The following CCDC150 variants were observed in gnomAD, a reference collection of about 807,000 sequenced individuals.
The protein encoded by CCDC150 is coiled-coil domain containing 150.
A neutral mutation model predicts 156.5 loss-of-function variants in CCDC150; 151 were observed. The observed-to-expected ratio is 0.97, with a 90% confidence interval of 0.85 to 1.10. CCDC150 has a LOEUF of 1.10. CCDC150 is among the 50% of genes least tolerant of loss of function. The probability of loss-of-function intolerance (pLI) is 0.00; values close to 1 mark genes in which losing one functional copy is unlikely to be tolerated. For synonymous variants in CCDC150, 452 were observed against 429.4 expected (o/e 1.05, Z -0.65); for missense variants, 1,312 against 1,268.1 (o/e 1.03, Z -0.53).
chr2:196,720,261 A>G lies in CCDC150; in HGVS notation c.2166-314A>G, dbSNP rs13398730. 4.3e-3 allele frequency: 1,423 copies of G among 327,486 alleles called. 21 individuals carry two copies. The highest frequency in any genetic ancestry group is 0.029 in the African/African-American group (1,329 of 46,114). 20.3% of individuals were successfully genotyped at this position (327,486 alleles called of 1,614,324 possible). On this transcript the variant is annotated intron_variant, in intron 19 of 27. Transcript: ENST00000389175. ...TGAGTTTTCTTTTCTCTTTTTTTAC[A>G]TTACATATTGTTTATCTTTTTTACA... is the stretch of plus-strand genomic sequence containing the variant.
chr2:196,718,904 G>GATCTTGGTAATA (rs1474788273), intron 18 of CCDC150, among the ~76,000 whole-genome samples: 1 of 151,752 alleles, frequency 6.6e-6, no homozygotes, highest in Non-Finnish European at 1.5e-5. Flanking sequence ...AAACACATCT[G>GATCTTGGTAATA]ATCTTGGTAA....
chr2:196,660,876 A>G (rs1037508189), intron 5 of CCDC150, among the ~76,000 whole-genome samples: 10 of 152,308 alleles, frequency 6.6e-5, no homozygotes, highest in African/African-American at 1.9e-4. Context: ...GACAAACCCA[A>G]GTCACTAAGA....
intron 7 of CCDC150, 28 bp from the exon 8 acceptor site, chr2:196,669,802 TATC>T (rs1236626596): frequency 3.5e-6 from 5 of 1,444,242 alleles, no homozygotes; most frequent in Non-Finnish European, 3.9e-6. Flanking sequence ...AAGTTACTAT[TATC>T]ATAGTTATGT....
intron 23 of CCDC150, 164 bp from the exon 24 acceptor site, chr2:196,729,629 G>A: frequency 1.5e-6 from 1 of 669,880 alleles, no homozygotes; most frequent in Non-Finnish European, 2.6e-6. Flanking sequence ...GATTGTACTG[G>A]ACTTTGCTCT....
chr2:196,665,735 A>C lies in CCDC150; in HGVS notation c.762+52A>C, dbSNP rs1022075538. The C allele has an allele frequency of 2.8e-6, 3 of 1,085,714 alleles. No homozygotes were observed. The African/African-American group carries it at 4.9e-5, about 18-fold the overall frequency. The allele number at this position is 1,085,714 out of a possible 1,614,324, so 67.3% of individuals were successfully genotyped here. ...GTTTGGGAAATGAAACCAAACAAAA[A>C]CTGATATTTTACCTATAAACTTAAA... is the stretch of plus-strand genomic sequence containing the variant. On this transcript the variant is annotated intron_variant, in intron 6 of 27. Transcript: ENST00000389175.
intron 22 of CCDC150, chr2:196,726,835 T>C (rs1698235583): frequency 6.6e-6 from 1 of 152,188 alleles, no homozygotes; most frequent in Non-Finnish European, 1.5e-5. Flanking sequence ...TGGGACCACC[T>C]GATGGATGGC....
Position 196,678,342 on chromosome 2 carries a change from T to C in CCDC150, c.1509+981T>C, listed in dbSNP as rs116369405. ...TGCCCAAGTAGCATTTGTATTACCA[T>C]ATATACATGTAAACTTTTAATTTAA... On this transcript the variant is annotated intron_variant, in intron 13 of 27. Coordinates refer to ENST00000389175, the MANE Select transcript of CCDC150 (RefSeq NM_001080539.2). 5.0e-3 allele frequency among the ~76,000 whole-genome samples: 756 copies of C among 152,288 alleles called. 4 individuals are homozygous for C. The highest frequency in any genetic ancestry group is 0.017 in the African/African-American group (715 of 41,550).
intron 2 of CCDC150, among the ~76,000 whole-genome samples, chr2:196,648,067 C>T (rs1692647591): frequency 6.6e-6 from 1 of 152,090 alleles, no homozygotes; most frequent in African/African-American, 2.4e-5. Context: ...GTTTCTATAT[C>T]TTGGCTATTG....
chr2:196,727,503 C>G (rs1698276253), intron 22 of CCDC150: 1 of 152,176 alleles, frequency 6.6e-6, no homozygotes, highest in African/African-American at 2.4e-5. Context: ...CATGGCTGGT[C>G]TGTGTTTCAC....
chr2:196,646,306 G>A (rs1408233544), intron 1 of CCDC150, 35 bp from the exon 2 acceptor site: 1 of 1,599,412 alleles, frequency 6.3e-7, no homozygotes, highest in East Asian at 2.2e-5. Flanking sequence ...ACAATAATAG[G>A]ACCTACCACA....
chr2:196,679,727 T>C (rs1184169083), intron 13 of CCDC150, among the ~76,000 whole-genome samples: 1 of 152,232 alleles, frequency 6.6e-6, no homozygotes, highest in African/African-American at 2.4e-5. Flanking sequence ...ATCTTACATT[T>C]CTGTTAGTAA....
At chr2:196,704,697 C>T (rs987703716) in intron 15 of CCDC150, among the ~76,000 whole-genome samples, 8 of 152,202 alleles carry the variant, frequency 5.3e-5, no homozygotes, top group Admixed American at 1.3e-4. Flanking sequence ...CTATCCCTTC[C>T]GCTGCTCCCC....
At chr2:196,702,343 C>CTGTGTTTG (rs1553562649) in intron 15 of CCDC150, among the ~76,000 whole-genome samples, 1 of 143,682 alleles carries the variant, frequency 7.0e-6, no homozygotes, top group Non-Finnish European at 1.5e-5. Flanking sequence ...GACTGAAGTG[C>CTGTGTTTG]TGTGTGTGTG....
At chr2:196,653,766 A>G (rs910761210) in intron 2 of CCDC150, among the ~76,000 whole-genome samples, 6 of 152,180 alleles carry the variant, frequency 3.9e-5, no homozygotes, top group Non-Finnish European at 2.9e-5. Flanking sequence ...CTTTTTAGCA[A>G]TGCCTCACTC....
At chr2:196,692,477 C>T (rs2125647252) in intron 13 of CCDC150, among the ~76,000 whole-genome samples, 1 of 152,330 alleles carries the variant, frequency 6.6e-6, no homozygotes, top group Middle Eastern at 3.4e-3. Flanking sequence ...TATACATTTT[C>T]CTCTTCATAG....
chr2:196,694,176 C>T (rs1379008576), intron 13 of CCDC150, among the ~76,000 whole-genome samples: 2 of 151,950 alleles, frequency 1.3e-5, no homozygotes, highest in Admixed American at 6.6e-5. Context: ...CCTGCCTCAG[C>T]CTCCCAAGTA....
intron 2 of CCDC150, among the ~76,000 whole-genome samples, chr2:196,650,034 A>G (rs964958124): frequency 1.3e-5 from 2 of 152,118 alleles, no homozygotes; most frequent in Non-Finnish European, 1.5e-5. Context: ...ACAACAGTAC[A>G]TTGAATAGAA....
intron 13 of CCDC150, among the ~76,000 whole-genome samples, chr2:196,682,372 G>A (rs1169162530): frequency 6.6e-6 from 1 of 151,726 alleles, no homozygotes; most frequent in African/African-American, 2.4e-5. Flanking sequence ...TTTGTAGGAA[G>A]TTTTGACGTC....
intron 14 of CCDC150, among the ~76,000 whole-genome samples, chr2:196,699,391 G>T (rs905584143): frequency 1.3e-5 from 2 of 152,126 alleles, no homozygotes; most frequent in African/African-American, 4.8e-5. Context: ...TTATATTAAA[G>T]GTGTATGATT....
Sources: allele counts gnomAD v4.1 joint callset (sites outside exome capture counted in the v4.1 genomes callset), GRCh38; gene constraint gnomAD v4.1.1; transcripts MANE v1.5; gene names NCBI Gene and HGNC (gene_info 2026-07-23, HGNC 2026-07-21).